UMAD1: variants seen among roughly 807,000 people sequenced by gnomAD.
UMAD1 encodes UBAP1-MVB12-associated (UMA) domain containing 1.
UMAD1 carries 8 observed loss-of-function variants against 6.1 expected under a neutral mutation model. The ratio of observed to expected loss-of-function variants is 1.30; its 90% CI spans 0.76 to 2.35. UMAD1 has a LOEUF of 2.35. Among genes scored for constraint, UMAD1 ranks in the 30% most tolerant of loss-of-function variants. UMAD1 has a pLI of 0.00. For missense variants in UMAD1, 130 were observed against 78.4 expected, an observed-to-expected ratio of 1.66 and a Z score of -2.49; for synonymous variants, 56 against 31.4, an observed-to-expected ratio of 1.78 and a Z score of -2.61.
intron 3 of UMAD1, among the ~76,000 whole-genome samples, chr7:7,840,010 G>A (rs1783647999): frequency 6.6e-6 from 1 of 152,142 alleles, no homozygotes; most frequent in Non-Finnish European, 1.5e-5. Context: ...CAATGGAATT[G>A]GGGTGTATAC....
At chr7:7,641,317 G>A (rs12702628) in intron 1 of UMAD1, 74,377 of 152,022 alleles carry the variant, frequency 0.49, 19,510 homozygotes, top group East Asian at 0.81. Context: ...GGGTAACGGG[G>A]AAGAACCACT....
intron 2 of UMAD1, among the ~76,000 whole-genome samples, chr7:7,731,645 T>C (rs1338248842): frequency 6.6e-6 from 1 of 152,236 alleles, no homozygotes; most frequent in African/African-American, 2.4e-5. Context: ...CCTATTTGTT[T>C]ATAAGCTGCC....
intron 2 of UMAD1, among the ~76,000 whole-genome samples, chr7:7,678,334 T>G (rs1322266324): frequency 1.3e-5 from 2 of 150,556 alleles, no homozygotes. Flanking sequence ...TCTCTGATGA[T>G]CAACAATATT....
chr7:7,865,195 C>T (rs900214609), intron 3 of UMAD1, among the ~76,000 whole-genome samples: 1 of 152,154 alleles, frequency 6.6e-6, no homozygotes, highest in Non-Finnish European at 1.5e-5. Context: ...CTTTATAGCT[C>T]GTCAGTCAAA....
intron 3 of UMAD1, among the ~76,000 whole-genome samples, chr7:7,851,052 G>A (rs533024920): frequency 1.3e-5 from 2 of 152,052 alleles, no homozygotes; most frequent in Non-Finnish European, 1.5e-5. Context: ...TGAACATGTA[G>A]CTTTGATATG....
chr7:7,819,815 C>T (rs963948657), intron 3 of UMAD1, among the ~76,000 whole-genome samples: 4 of 152,162 alleles, frequency 2.6e-5, no homozygotes, highest in Admixed American at 6.5e-5. Context: ...CATCCGGGTA[C>T]ACTGTTGAAA....
chr7:7,696,157 C>A (rs1308967527), intron 2 of UMAD1, among the ~76,000 whole-genome samples: 1 of 151,814 alleles, frequency 6.6e-6, no homozygotes, highest in Non-Finnish European at 1.5e-5. Flanking sequence ...AGGCATGCAC[C>A]ACCATGCCCA....
chr7:7,705,539 G>T (rs1174021298), intron 2 of UMAD1, among the ~76,000 whole-genome samples: 1 of 152,102 alleles, frequency 6.6e-6, no homozygotes, highest in East Asian at 1.9e-4. Context: ...TAATCATCTG[G>T]CTCTAAGTAC....
At chr7:7,741,431 C>T (rs6956000) in intron 2 of UMAD1, among the ~76,000 whole-genome samples, 13,570 of 151,524 alleles carry the variant, frequency 0.09, 698 homozygotes, top group African/African-American at 0.14. Context: ...ATTAGCTGGG[C>T]GTGGTGGCGT....
chr7:7,661,663 G>T (rs184864166), intron 1 of UMAD1, among the ~76,000 whole-genome samples: 25 of 152,264 alleles, frequency 1.6e-4, no homozygotes, highest in African/African-American at 6.0e-4. Context: ...ATTGTTGCCC[G>T]TTCCTTCCTC....
At chr7:7,792,979 C>T (rs1016012262) in intron 2 of UMAD1, among the ~76,000 whole-genome samples, 2 of 152,162 alleles carry the variant, frequency 1.3e-5, no homozygotes, top group Admixed American at 1.3e-4. Flanking sequence ...AAGGCTCCAC[C>T]TCTTACTACC....
At chr7:7,787,221 A>G (rs1782477880) in intron 2 of UMAD1, among the ~76,000 whole-genome samples, 1 of 152,200 alleles carries the variant, frequency 6.6e-6, no homozygotes, top group African/African-American at 2.4e-5. Context: ...ATTTGTTGGT[A>G]ATTAGAAATA....
At chr7:7,678,334 T>TCAA (rs1457910441) in intron 2 of UMAD1, among the ~76,000 whole-genome samples, 1 of 150,556 alleles carries the variant, frequency 6.6e-6, no homozygotes, top group Non-Finnish European at 1.5e-5. Flanking sequence ...TCTCTGATGA[T>TCAA]CAACAATATT....
chr7:7,698,330 A>G (rs1242293985), intron 2 of UMAD1, among the ~76,000 whole-genome samples: 2 of 152,192 alleles, frequency 1.3e-5, no homozygotes, highest in South Asian at 2.1e-4. Flanking sequence ...GCTTTTTAAA[A>G]TAAGGTTTAT....
intron 2 of UMAD1, among the ~76,000 whole-genome samples, chr7:7,684,675 G>A (rs1411702049): frequency 6.6e-6 from 1 of 152,174 alleles, no homozygotes; most frequent in East Asian, 1.9e-4. Flanking sequence ...TATACAATGT[G>A]AATTCCAACT....
intron 3 of UMAD1, among the ~76,000 whole-genome samples, chr7:7,847,453 T>C (rs1783825038): frequency 6.6e-6 from 1 of 151,936 alleles, no homozygotes; most frequent in East Asian, 1.9e-4. Flanking sequence ...TCAGGTCCCA[T>C]TCTTTATGAC....
intron 3 of UMAD1, among the ~76,000 whole-genome samples, chr7:7,866,368 G>A (rs6463736): frequency 0.71 from 108,372 of 152,046 alleles, 39,336 homozygotes; most frequent in Middle Eastern, 0.84. Flanking sequence ...GTGCTGTGAG[G>A]GAAGTATGCA....
chr7:7,772,638 G>A (rs1782123291), intron 2 of UMAD1, among the ~76,000 whole-genome samples: 1 of 152,178 alleles, frequency 6.6e-6, no homozygotes, highest in Non-Finnish European at 1.5e-5. Context: ...TTTTATTGTG[G>A]AACCGATCAG....
intron 1 of UMAD1, among the ~76,000 whole-genome samples, chr7:7,645,880 G>C (rs1785082342): frequency 6.7e-6 from 1 of 149,992 alleles, no homozygotes; most frequent in Middle Eastern, 3.2e-3. Context: ...TTTTTGTATA[G>C]TCCTTGTCAA....
Sources: allele counts gnomAD v4.1 joint callset (sites outside exome capture counted in the v4.1 genomes callset), GRCh38; gene constraint gnomAD v4.1.1; transcripts MANE v1.5; gene names NCBI Gene and HGNC (gene_info 2026-07-23, HGNC 2026-07-21).